The following PTGER3 variants were observed in gnomAD, a reference collection of about 807,000 sequenced individuals.
The protein encoded by PTGER3 is prostaglandin E receptor 3.
In PTGER3, 22 loss-of-function variants were observed where a neutral mutation model predicts 34.7. The observed-to-expected ratio is 0.63, with a 90% CI of 0.45 to 0.91. The LOEUF (loss-of-function observed/expected upper bound fraction) is 0.91, where lower values mean the gene tolerates loss of function less well. Among genes scored for constraint, PTGER3 ranks in the 40% least tolerant of loss-of-function variants. PTGER3 has a pLI of 0.00. For synonymous variants in PTGER3, 241 were observed against 230.1 expected, an observed-to-expected ratio of 1.05 and a Z score of -0.43; for missense variants, 468 against 519.4, an observed-to-expected ratio of 0.90 and a Z score of 0.96.
intron 2 of PTGER3, among the ~76,000 whole-genome samples, chr1:70,979,172 A>T (rs1160493642): frequency 6.6e-6 from 1 of 152,098 alleles, no homozygotes; most frequent in Non-Finnish European, 1.5e-5. Flanking sequence ...TTGTTGATGG[A>T]CCCTCAGTGA....
chr1:70,856,035 T>G (rs1645794976), intron 4 of PTGER3, among the ~76,000 whole-genome samples: 1 of 152,134 alleles, frequency 6.6e-6, no homozygotes, highest in Non-Finnish European at 1.5e-5. Flanking sequence ...GTTTCATAGC[T>G]TGATGCCACT....
intron 4 of PTGER3, among the ~76,000 whole-genome samples, chr1:70,853,128 TC>T (rs1281493095): frequency 6.6e-6 from 1 of 152,118 alleles, no homozygotes; most frequent in Non-Finnish European, 1.5e-5. Context: ...GATCCTATAT[TC>T]CTTGGGTGGA....
At chr1:70,890,152 A>G (rs1195632744) in intron 4 of PTGER3, among the ~76,000 whole-genome samples, 1 of 152,250 alleles carries the variant, frequency 6.6e-6, no homozygotes, top group East Asian at 1.9e-4. Context: ...AAGGAAGCAT[A>G]GACCCTCCAC....
chr1:70,998,415 A>C (rs1656172223), intron 2 of PTGER3: 1 of 152,232 alleles, frequency 6.6e-6, no homozygotes, highest in Non-Finnish European at 1.5e-5. Context: ...TTCGCTCTGA[A>C]GAATGAGAGA....
rs746025536 is a variant in PTGER3 at position 71,047,333 on chromosome 1, C to G, written c.245G>C (p.Ser82Thr). 6.2e-7 allele frequency: 1 copy of G among 1,607,258 alleles called. No homozygotes were observed. The highest frequency in any genetic ancestry group is 1.7e-5 in the Admixed American group (1 of 58,968). ...CAGCAGGAAGGACTTCTTGCGCTTG[C>G]TCTCCCGGCGCCGGTAGCTGCGCGA... ...LVSRSYRRRE[S>T]KRKKSFLLCI... Residue 82 changes from serine to threonine, a missense_variant, in exon 1 of 4, where the codon AGC becomes ACC. By Grantham distance (58) the Ser-to-Thr change is moderately conservative. Around this residue, in one of 5 missense-constraint regions of PTGER3, gnomAD observed 151 missense variants for 133.5 expected, o/e 1.13. Coordinates refer to ENST00000306666, the MANE Select transcript of PTGER3 (RefSeq NM_198719.2).
intron 4 of PTGER3, among the ~76,000 whole-genome samples, chr1:70,921,405 G>A (rs1647509585): frequency 6.6e-6 from 1 of 152,104 alleles, no homozygotes. Flanking sequence ...CTGCAAACCT[G>A]TCGAATGAAT....
In PTGER3 at chr1:70,862,525, G is replaced by C. The variant is rs558361380; in HGVS notation, c.*24-9666C>G. ...TATAGGGAATTAAGGGAGGACAGGG[G>C]AGAGTCTCATGGCTTTGACTTAGAA... On this transcript the variant is annotated intron_variant, in intron 4 of 4. Coordinates refer to the PTGER3 transcript ENST00000370931. The C allele has an allele frequency of 8.4e-6, 4 of 477,412 alleles. No individual in the cohort carries two copies. The East Asian group carries it at 2.6e-4, about 31-fold the overall frequency. 29.6% of individuals were successfully genotyped at this position (477,412 alleles called of 1,614,324 possible).
At chr1:71,006,708 T>A (rs1657000095) in intron 2 of PTGER3, 1 of 984,904 alleles carries the variant, frequency 1.0e-6, no homozygotes, top group Non-Finnish European at 1.2e-6. Flanking sequence ...AACAAAATGA[T>A]CTAATTTTTC....
intron 1 of PTGER3, among the ~76,000 whole-genome samples, chr1:71,016,611 T>C (rs1657922042): frequency 1.3e-5 from 2 of 152,140 alleles, no homozygotes; most frequent in South Asian, 4.1e-4. Flanking sequence ...GAGACCAGCC[T>C]GGGCAACATG....
At chr1:70,881,034 G>T (rs1261985269) in intron 4 of PTGER3, among the ~76,000 whole-genome samples, 2 of 152,144 alleles carry the variant, frequency 1.3e-5, no homozygotes, top group African/African-American at 4.8e-5. Flanking sequence ...CTTTCCTTGG[G>T]ATGCCAATGA....
intron 2 of PTGER3, chr1:71,009,969 C>T (rs781746770): frequency 5.7e-5 from 56 of 985,024 alleles, no homozygotes; most frequent in Admixed American, 3.1e-4. Flanking sequence ...CCCATACTAA[C>T]GAATGCCTAG....
chr1:70,949,678 T>G (rs902967828), downstream of PTGER3, among the ~76,000 whole-genome samples: 2 of 152,188 alleles, frequency 1.3e-5, no homozygotes, highest in African/African-American at 4.8e-5. Context: ...ACTTGAGACA[T>G]TCTAGTTTTC....
intron 4 of PTGER3, among the ~76,000 whole-genome samples, chr1:70,861,825 C>T (rs1015641244): frequency 1.3e-5 from 2 of 152,030 alleles, no homozygotes; most frequent in African/African-American, 4.8e-5. Flanking sequence ...AGCAAACTCT[C>T]ATTTCTTAAC....
At chr1:71,007,055 C>T (rs903979295) in intron 2 of PTGER3, 63 of 984,872 alleles carry the variant, frequency 6.4e-5, no homozygotes, top group Middle Eastern at 5.2e-4. Context: ...AATACACTGA[C>T]GATAACTACC....
intron 4 of PTGER3, chr1:70,852,938 A>C (rs1645714231): frequency 3.5e-6 from 5 of 1,448,376 alleles, no homozygotes; most frequent in East Asian, 2.3e-5. Flanking sequence ...AAAGGCAATA[A>C]ATTCTCATAA....
chr1:70,925,647 A>C lies in PTGER3; in HGVS notation c.*23+28116T>G, dbSNP rs1294112346. On this transcript the variant is annotated intron_variant, in intron 4 of 4. Coordinates refer to the PTGER3 transcript ENST00000370931. The stretch of plus-strand genomic sequence containing the variant: ...AATAAGAGTAAATCTTCAAATGTTC[A>C]AGAACAAACTAAACAACATAATATT... Among the ~76,000 whole-genome samples the C allele has an allele frequency of 3.9e-5, 6 of 152,184 alleles. 1 individual carries two copies. Among genetic ancestry groups the C allele is most frequent in the Non-Finnish European group, 8.8e-5 (6 of 68,026 alleles).
At chr1:70,940,832 T>C (rs1307298946) in intron 4 of PTGER3, among the ~76,000 whole-genome samples, 1 of 152,190 alleles carries the variant, frequency 6.6e-6, no homozygotes, top group Non-Finnish European at 1.5e-5. Flanking sequence ...TAGTTGTTTG[T>C]CATTTTCTTA....
Position 70,860,652 on chromosome 1 carries a change from T to C in PTGER3, c.*24-7793A>G, listed in dbSNP as rs61777098. 5.6e-3 allele frequency among the ~76,000 whole-genome samples: 853 copies of C among 152,248 alleles called. 5 individuals are homozygous for C. Among genetic ancestry groups the C allele is most frequent in the Middle Eastern group, 0.031 (9 of 294 alleles). On this transcript the variant is annotated intron_variant, in intron 4 of 4. Transcript: ENST00000370931. ...TTATATTAGTTAGCCTATGGTAAAA[T>C]TGACTTCAATAGTCATCATTTCACT...
chr1:71,034,656 G>A (rs899408026), intron 1 of PTGER3, among the ~76,000 whole-genome samples: 2 of 152,180 alleles, frequency 1.3e-5, no homozygotes, highest in African/African-American at 2.4e-5. Flanking sequence ...TATTAGCACC[G>A]AAGGGTGGAA....
Sources: gnomAD v4.1 joint callset for allele counts (sites outside exome capture counted in the v4.1 genomes callset) on GRCh38, gnomAD v4.1.1 for gene constraint, gnomAD v4.1.1 regional missense constraint, MANE v1.5 for transcripts, NCBI Gene and HGNC (gene_info 2026-07-23, HGNC 2026-07-21) for gene names.